SLC2A12: variants seen among roughly 807,000 people sequenced by gnomAD.
The protein encoded by SLC2A12 is solute carrier family 2 member 12.
In SLC2A12, 23 loss-of-function variants were observed where a neutral mutation model predicts 41.8. The ratio of observed to expected loss-of-function variants is 0.55; its 90% confidence interval spans 0.40 to 0.78. The LOEUF (loss-of-function observed/expected upper bound fraction) is 0.78. SLC2A12 is among the 30% of genes least tolerant of loss of function. The pLI is 0.00. For missense variants in SLC2A12, 654 were observed against 745.6 expected, an observed-to-expected ratio of 0.88 and a Z score of 1.43; for synonymous variants, 295 against 285.9, an observed-to-expected ratio of 1.03 and a Z score of -0.32.
intron 2 of SLC2A12, 114 bp from the exon 3 acceptor site, chr6:134,007,048 G>A: frequency 1.4e-6 from 2 of 1,436,310 alleles, no homozygotes; most frequent in Non-Finnish European, 1.9e-6. Context: ...TTTGTGGTTG[G>A]GAAGCACCAT....
chr6:134,012,759 G>A (rs1776904748), intron 2 of SLC2A12, among the ~76,000 whole-genome samples: 1 of 152,176 alleles, frequency 6.6e-6, no homozygotes, highest in Admixed American at 6.5e-5. Flanking sequence ...CTTGAGGCCA[G>A]AAGTTTGGGA....
intron 1 of SLC2A12, among the ~76,000 whole-genome samples, chr6:134,038,384 T>C (rs1270105878): frequency 2.2e-5 from 3 of 134,428 alleles, no homozygotes; most frequent in Admixed American, 1.5e-4. Flanking sequence ...TTTTTTGAGA[T>C]GGAGTCTCTC....
intron 2 of SLC2A12, among the ~76,000 whole-genome samples, chr6:134,014,103 T>A (rs1439072686): frequency 2.0e-5 from 3 of 152,170 alleles, no homozygotes; most frequent in Non-Finnish European, 4.4e-5. Flanking sequence ...AGGGACTGGT[T>A]TTGTGGAAGA....
At chr6:133,996,747 CT>C (rs2114418958) in intron 4 of SLC2A12, among the ~76,000 whole-genome samples, 1 of 152,316 alleles carries the variant, frequency 6.6e-6, no homozygotes, top group Non-Finnish European at 1.5e-5. Context: ...TTCACCTCAG[CT>C]TCTGTGCACA....
rs1433442310 is a variant in SLC2A12 at position 133,991,228 on chromosome 6, G to C, written c.1781C>G (p.Pro594Arg). 6.2e-7 allele frequency: 1 copy of C among 1,613,912 alleles called. No homozygotes were observed. Among genetic ancestry groups the C allele is most frequent in the Non-Finnish European group, 8.5e-7 (1 of 1,179,976 alleles). Residue 594 changes from proline to arginine, a missense_variant, in exon 5 of 5, where the codon CCC becomes CGC. Physicochemically the swap from Pro to Arg is moderately radical, Grantham distance 103. Transcript: ENST00000275230. The part of the protein sequence containing the change: ...LVPKQPQKRK[P>R]QEQLLECNKL... ...GTTACACTCCAAGAGCTGCTCCTGG[G>C]GTTTTCTTTTTTGAGGCTGTTTTGG...
intron 2 of SLC2A12, among the ~76,000 whole-genome samples, chr6:134,007,394 A>T (rs1357048697): frequency 6.6e-6 from 1 of 152,172 alleles, no homozygotes; most frequent in Non-Finnish European, 1.5e-5. Context: ...ATCACAGCTA[A>T]TGAGTGGGTA....
chr6:133,992,784 A>G (rs1293645377), intron 4 of SLC2A12, among the ~76,000 whole-genome samples: 1 of 152,172 alleles, frequency 6.6e-6, no homozygotes, highest in Non-Finnish European at 1.5e-5. Flanking sequence ...TTGAAGTGCC[A>G]GTACTTGAGG....
chr6:133,995,046 C>G (rs1776670185), intron 4 of SLC2A12, among the ~76,000 whole-genome samples: 2 of 152,078 alleles, frequency 1.3e-5, no homozygotes, highest in South Asian at 4.2e-4. Flanking sequence ...AGCGGAGTGG[C>G]CATAACAGTC....
At chr6:133,998,159 TAGAC>T (rs1272447862) in intron 4 of SLC2A12, among the ~76,000 whole-genome samples, 1 of 152,182 alleles carries the variant, frequency 6.6e-6, no homozygotes, top group African/African-American at 2.4e-5. Context: ...TTTAATAATT[TAGAC>T]AGATTCTTTC....
intron 4 of SLC2A12, among the ~76,000 whole-genome samples, chr6:133,997,114 G>A (rs891460796): frequency 5.1e-5 from 7 of 137,410 alleles, no homozygotes; most frequent in Admixed American, 2.9e-4. Context: ...AAAAAAAGCC[G>A]GGCGTGGCAG....
chr6:134,023,425 A>T (rs896037404), intron 2 of SLC2A12, among the ~76,000 whole-genome samples: 4 of 152,206 alleles, frequency 2.6e-5, no homozygotes, highest in Admixed American at 1.3e-4. Flanking sequence ...GGAAGTGGTA[A>T]AGAACCCTGG....
At chr6:134,043,127 A>G (rs1338876778) in intron 1 of SLC2A12, among the ~76,000 whole-genome samples, 5 of 152,214 alleles carry the variant, frequency 3.3e-5, no homozygotes, top group Non-Finnish European at 5.9e-5. Context: ...GTAAAAATCT[A>G]CAAAGAGCTT....
chr6:134,038,700 CTTT>C (rs200794350), intron 1 of SLC2A12, among the ~76,000 whole-genome samples: 10 of 82,106 alleles, frequency 1.2e-4, no homozygotes, highest in Admixed American at 1.0e-3. Context: ...CCTTTCTTTC[CTTT>C]TTTTTTTTTT....
Position 133,991,217 on chromosome 6 carries a change from G to T in SLC2A12, c.1792C>A (p.Leu598Ile). ...QPQKRKPQEQ[L>I]LECNKLCGRG... is the part of the protein sequence containing the mutation. ...CCACACAGCTTGTTACACTCCAAGA[G>T]CTGCTCCTGGGGTTTTCTTTTTTGA... is the stretch of plus-strand genomic sequence containing the variant. Residue 598 changes from leucine to isoleucine, a missense_variant, in exon 5 of 5, where the codon CTC (leucine) becomes ATC (isoleucine). Leu to Ile is a conservative substitution (Grantham distance 5). Coordinates refer to ENST00000275230, the MANE Select transcript of SLC2A12 (RefSeq NM_145176.3). The T allele has an allele frequency of 1.2e-6, 2 of 1,614,108 alleles. No individual in the cohort carries two copies. The highest frequency in any genetic ancestry group is 2.2e-5 in the South Asian group (2 of 91,060).
chr6:134,048,077 G>A (rs930931312), intron 1 of SLC2A12, among the ~76,000 whole-genome samples: 2 of 152,288 alleles, frequency 1.3e-5, no homozygotes, highest in East Asian at 3.9e-4. Context: ...CACCATGTTC[G>A]CAGCCTTTTC....
At chr6:134,021,647 C>G (rs1038572175) in intron 2 of SLC2A12, among the ~76,000 whole-genome samples, 2 of 152,090 alleles carry the variant, frequency 1.3e-5, no homozygotes, top group Non-Finnish European at 2.9e-5. Context: ...AGAAATAGCT[C>G]AGAGAAGAAA....
At chr6:134,000,359 A>G (rs756803280) in intron 4 of SLC2A12, among the ~76,000 whole-genome samples, 1 of 152,204 alleles carries the variant, frequency 6.6e-6, no homozygotes, top group Non-Finnish European at 1.5e-5. Context: ...TATACCCCCA[A>G]TAAGCCAGGA....
chr6:134,048,847 C>T lies in SLC2A12; in HGVS notation c.103+3531G>A, dbSNP rs573447792. On this transcript the variant is annotated intron_variant, in intron 1 of 4. Coordinates refer to ENST00000275230, the MANE Select transcript of SLC2A12 (RefSeq NM_145176.3). ...TGTCTTCTCACAACCAAAGCTCTGA[C>T]ATCTGCCCAAGCTGGTTGGCCTGAC... Among the ~76,000 whole-genome samples the T allele has an allele frequency of 2.0e-5, 3 of 152,316 alleles. No homozygotes were observed. In the South Asian group the frequency reaches 6.2e-4, roughly 32 times the overall value.
chr6:134,006,779 C>T (rs754402066), intron 3 of SLC2A12, 33 bp downstream of exon 3: 2 of 1,612,540 alleles, frequency 1.2e-6, no homozygotes, highest in Non-Finnish European at 1.7e-6. Flanking sequence ...CTACGAGGAC[C>T]AAAGACATTA....
Sources: allele counts gnomAD v4.1 joint callset (sites outside exome capture counted in the v4.1 genomes callset), GRCh38; gene constraint gnomAD v4.1.1; transcripts MANE v1.5; gene names NCBI Gene and HGNC (gene_info 2026-07-23, HGNC 2026-07-21).